MED13L: variants seen among roughly 807,000 people sequenced by gnomAD.
MED13L encodes mediator complex subunit 13L, also known as mediator of RNA polymerase II transcription subunit 13-like.
Under a neutral mutation model 220.9 loss-of-function variants are expected in MED13L, and 7 were observed. The observed-to-expected ratio is 0.03, with a 90% CI of 0.02 to 0.06. MED13L has a LOEUF of 0.06. Ranked by LOEUF, MED13L falls within the 10% of genes least tolerant of loss-of-function variation. MED13L has a pLI of 1.00. For missense variants in MED13L, 1,965 were observed against 2,760.5 expected (o/e 0.71, Z 6.46); for synonymous variants, 1,011 against 1,015.2 (o/e 1.00, Z 0.08).
chr12:116,232,600 G>T (rs980876863), intron 2 of MED13L, among the ~76,000 whole-genome samples: 5 of 152,096 alleles, frequency 3.3e-5, no homozygotes, highest in African/African-American at 4.8e-5. Flanking sequence ...TAACTGATTC[G>T]ACAAACATTC....
chr12:116,096,283 A>C (rs1392410541), intron 4 of MED13L, among the ~76,000 whole-genome samples: 4 of 140,194 alleles, frequency 2.9e-5, no homozygotes, highest in African/African-American at 7.9e-5. Flanking sequence ...TGAGCCTGGG[A>C]AGTCGAGGCT....
At chr12:116,165,344 T>C (rs1297114422) in intron 2 of MED13L, among the ~76,000 whole-genome samples, 2 of 150,838 alleles carry the variant, frequency 1.3e-5, no homozygotes, top group African/African-American at 4.9e-5. Flanking sequence ...TGTTTGTTTA[T>C]TTTTGAGACG....
At chr12:116,042,708 A>C (rs1234675294) in intron 4 of MED13L, among the ~76,000 whole-genome samples, 2 of 152,232 alleles carry the variant, frequency 1.3e-5, no homozygotes, top group Non-Finnish European at 2.9e-5. Flanking sequence ...GCAATATAAC[A>C]GAGGTGAATA....
At chr12:115,986,235 T>TA in intron 19 of MED13L, 31 bp downstream of exon 19, 1 of 1,594,222 alleles carries the variant, frequency 6.3e-7, no homozygotes, top group Non-Finnish European at 8.6e-7. Flanking sequence ...ATCCAAGTCA[T>TA]AAAAAGCAAT....
intron 30 of MED13L, among the ~76,000 whole-genome samples, chr12:115,962,119 T>C (rs1875805458): frequency 1.3e-5 from 2 of 152,272 alleles, no homozygotes; most frequent in Admixed American, 1.3e-4. Context: ...ACTATTTTAA[T>C]GTGGCTAACA....
intron 25 of MED13L, among the ~76,000 whole-genome samples, chr12:115,974,481 T>C (rs139567194): frequency 1.9e-4 from 29 of 152,318 alleles, no homozygotes; most frequent in East Asian, 1.2e-3. Context: ...AGTAGCTACA[T>C]TGGGATAGTA....
At chr12:115,968,272 G>A (rs1490184966) in intron 28 of MED13L, among the ~76,000 whole-genome samples, 1 of 152,096 alleles carries the variant, frequency 6.6e-6, no homozygotes, top group Non-Finnish European at 1.5e-5. Context: ...CACAAGCTGT[G>A]GCAGAACCCT....
At chr12:116,055,865 A>G (rs1592993303) in intron 4 of MED13L, among the ~76,000 whole-genome samples, 1 of 152,162 alleles carries the variant, frequency 6.6e-6, no homozygotes, top group Non-Finnish European at 1.5e-5. Context: ...ATTGGACTCC[A>G]GCCTGGGCGA....
At chr12:116,093,962 G>C (rs1872459865) in intron 4 of MED13L, among the ~76,000 whole-genome samples, 1 of 151,972 alleles carries the variant, frequency 6.6e-6, no homozygotes, top group African/African-American at 2.4e-5. Flanking sequence ...AACCCTCTAA[G>C]ACATTATGAT....
At chr12:116,082,232 T>A (rs1264678975) in intron 4 of MED13L, among the ~76,000 whole-genome samples, 1 of 152,194 alleles carries the variant, frequency 6.6e-6, no homozygotes, top group East Asian at 1.9e-4. Context: ...GATCACTCTT[T>A]TCATTTCAAG....
rs1878063256 is a variant in MED13L at position 115,991,607 on chromosome 12, G to T, written c.3347C>A (p.Ser1116Tyr). The change falls in exon 17 of 31, where the codon TCC (serine) becomes TAC (tyrosine). Residue 1116 changes from serine (S) to tyrosine (Y), a missense_variant. Ser to Tyr is a moderately radical substitution (Grantham distance 144). Coordinates refer to ENST00000281928, the MANE Select transcript of MED13L (RefSeq NM_015335.5). The surrounding 1 kb of genome is among the most constrained non-coding windows in gnomAD (Gnocchi z 7.7). ...TTTAAAGATATTCATCACGGAATCG[G>T]AGAGAATCAGGGTAACATAGAGGCT... is the stretch of plus-strand genomic sequence containing the variant. ...AHSLYVTLIL[S>Y]DSVMNIFKDR... 6.2e-7 allele frequency: 1 copy of T among 1,614,142 alleles called. No homozygotes were observed. Among genetic ancestry groups the T allele is most frequent in the Non-Finnish European group, 8.5e-7 (1 of 1,180,014 alleles).
intron 2 of MED13L, among the ~76,000 whole-genome samples, chr12:116,128,736 T>C (rs1875813949): frequency 6.6e-6 from 1 of 152,176 alleles, no homozygotes; most frequent in African/African-American, 2.4e-5. Context: ...ATATCTGAAA[T>C]AACAAAATAA....
Position 116,159,137 on chromosome 12 carries a change from G to C in MED13L, c.311-47625C>G, listed in dbSNP as rs11067926. Among the ~76,000 whole-genome samples, 858 of 152,262 alleles carry C rather than the reference G, an allele frequency of 5.6e-3. 4 individuals are homozygous for C. The highest frequency in any genetic ancestry group is 8.5e-3 in the Non-Finnish European group (575 of 67,994). ...AGTTTTAAAACAAAGGCAACATTAA[G>C]AGTTAAAGATCGACAGTATTCTATT... is the stretch of plus-strand genomic sequence containing the variant. On this transcript the variant is annotated intron_variant, in intron 2 of 30. Coordinates refer to ENST00000281928, the MANE Select transcript of MED13L (RefSeq NM_015335.5).
intron 2 of MED13L, among the ~76,000 whole-genome samples, chr12:116,160,761 T>A (rs1003810901): frequency 7.3e-5 from 11 of 150,956 alleles, no homozygotes; most frequent in African/African-American, 2.2e-4. Flanking sequence ...TTTTTTATTT[T>A]TTTTTTTTTT....
intron 1 of MED13L, among the ~76,000 whole-genome samples, chr12:116,247,142 G>A (rs879934693): frequency 3.2e-4 from 49 of 152,092 alleles, no homozygotes; most frequent in Admixed American, 2.6e-3. Context: ...TCTAAAGAAG[G>A]TAAAATAGGG....
At chr12:116,133,206 GTTTGT>G (rs1876233405) in intron 2 of MED13L, among the ~76,000 whole-genome samples, 1 of 152,146 alleles carries the variant, frequency 6.6e-6, no homozygotes. Context: ...TCTCACCAGA[GTTTGT>G]TTTCTTTTTA....
rs140206731 is a variant in MED13L at position 116,172,142 on chromosome 12, A to C, written c.311-60630T>G. On this transcript the variant is annotated intron_variant, in intron 2 of 30. Coordinates refer to ENST00000281928, the MANE Select transcript of MED13L (RefSeq NM_015335.5). Reference sequence around the variant, plus strand: ...TCAATGAAGATCCACTTAGGTATATAATCCCCTAACACACACCCTATGTAA... The same window carrying C: ...TCAATGAAGATCCACTTAGGTATATCATCCCCTAACACACACCCTATGTAA... Among the ~76,000 whole-genome samples the C allele has an allele frequency of 1.0e-3, 159 of 152,316 alleles. 1 individual carries two copies. The highest frequency in any genetic ancestry group is 3.5e-3 in the African/African-American group (147 of 41,582).
At chr12:116,062,171 G>A (rs184748837) in intron 4 of MED13L, among the ~76,000 whole-genome samples, 66 of 151,234 alleles carry the variant, frequency 4.4e-4, no homozygotes, top group African/African-American at 1.6e-3. Context: ...TTGTTTTTTT[G>A]AGATGGGATT....
At chr12:116,036,711 T>C (rs1454050068) in intron 4 of MED13L, among the ~76,000 whole-genome samples, 4 of 152,188 alleles carry the variant, frequency 2.6e-5, no homozygotes, top group Admixed American at 1.3e-4. Context: ...CCTCAATATA[T>C]AGATCCTTAT....
Sources: allele counts gnomAD v4.1 joint callset (sites outside exome capture counted in the v4.1 genomes callset), GRCh38; gene constraint gnomAD v4.1.1; non-coding constraint Gnocchi (gnomAD v3.1); transcripts MANE v1.5; gene names NCBI Gene and HGNC (gene_info 2026-07-23, HGNC 2026-07-21).